The following CTR9 variants were observed in gnomAD, a reference collection of about 807,000 sequenced individuals.
The protein encoded by CTR9 is RNA polymerase-associated protein CTR9 homolog.
CTR9 carries 41 observed loss-of-function variants against 152.1 expected under a neutral mutation model. The ratio of observed to expected loss-of-function variants is 0.27; its 90% CI spans 0.21 to 0.35. CTR9 has a LOEUF of 0.35. CTR9 is among the 10% of genes least tolerant of loss of function. CTR9 has a pLI of 1.00. For missense variants in CTR9, 917 were observed against 1,424.4 expected (o/e 0.64, Z 5.73); for synonymous variants, 476 against 496.2 (o/e 0.96, Z 0.54).
intron 12 of CTR9, among the ~76,000 whole-genome samples, chr11:10,764,956 A>G (rs991777065): frequency 6.6e-6 from 1 of 152,234 alleles, no homozygotes; most frequent in Non-Finnish European, 1.5e-5. Flanking sequence ...TTCAATGACT[A>G]GGTTATCTTC....
At position 10,778,986 on chromosome 11, in the gene CTR9, G is replaced by A. The variant is rs1034042452; in HGVS notation, c.3403G>A (p.Glu1135Lys). The change falls in exon 25 of 25, where the codon GAG becomes AAG. Residue 1135 changes from glutamate to lysine, a missense_variant. Physicochemically the swap from Glu to Lys is moderately conservative, Grantham distance 56. Coordinates refer to ENST00000361367, the MANE Select transcript of CTR9 (RefSeq NM_014633.5). ...SPSAESDHES[E>K]RGSDNEGSGQ... ...AAGTGCCGAATCAGATCACGAATCGGAGAGAGGATCTGATAATGAGGGTTC... is the reference window on the plus strand; with the variant it reads ...AAGTGCCGAATCAGATCACGAATCGAAGAGAGGATCTGATAATGAGGGTTC... 7.4e-6 allele frequency: 12 copies of A among 1,614,072 alleles called. No homozygotes were observed. The highest frequency in any genetic ancestry group is 1.0e-5 in the Non-Finnish European group (12 of 1,180,052).
At position 10,756,803 on chromosome 11, in the gene CTR9, A is replaced by G. The variant is rs766474577; in HGVS notation, c.557A>G (p.Tyr186Cys). 2.5e-6 allele frequency: 4 copies of G among 1,612,318 alleles called. No homozygotes were observed. The highest frequency in any genetic ancestry group is 3.4e-6 in the Non-Finnish European group (4 of 1,179,278). The change falls in exon 5 of 25, where the codon TAT (tyrosine) becomes TGT (cysteine). Residue 186 changes from tyrosine to cysteine, a missense_variant. Tyr to Cys is a radical substitution (Grantham distance 194). Transcript: ENST00000361367. Reference sequence around the variant, plus strand: ...GATTACAGAGGAGCTCTTGCTTACTATAAGAAAGCATTGCGTACTAACCCA... The same window carrying G: ...GATTACAGAGGAGCTCTTGCTTACTGTAAGAAAGCATTGCGTACTAACCCA... ...KKDYRGALAY[Y>C]KKALRTNPGC...
chr11:10,764,583 A>G lies in CTR9; in HGVS notation c.1449A>G (p.Ala483=). ...TGGCGTCATTGGACCGTGCAAAAGC[A>G]GAAGCGGAACACGATGAGCATTACT... ...YFLASLDRAK[A]EAEHDEHYYN... The change falls in exon 12 of 25, where the codon GCA becomes GCG. Residue 483 remains alanine, a synonymous_variant. Coordinates refer to ENST00000361367, the MANE Select transcript of CTR9 (RefSeq NM_014633.5). The G allele has an allele frequency of 2.5e-6, 4 of 1,612,296 alleles. No homozygotes were observed. Among genetic ancestry groups the G allele is most frequent in the Non-Finnish European group, 3.4e-6 (4 of 1,178,540 alleles).
chr11:10,757,015 C>T (rs1862895961), intron 5 of CTR9, among the ~76,000 whole-genome samples, 177 bp downstream of exon 5: 1 of 152,148 alleles, frequency 6.6e-6, no homozygotes, highest in Non-Finnish European at 1.5e-5. Flanking sequence ...AGGCCAGGTG[C>T]AATGGCTCAT....
At chr11:10,763,613 T>TA (rs1300394415) in intron 8 of CTR9, 30 bp from the exon 9 acceptor site, 1 of 1,575,000 alleles carries the variant, frequency 6.3e-7, no homozygotes, top group Admixed American at 1.9e-5. Context: ...CTTTTGTACA[T>TA]ATTGGTCTTT....
chr11:10,758,294 G>T (rs1173404683), intron 5 of CTR9, among the ~76,000 whole-genome samples: 1 of 152,154 alleles, frequency 6.6e-6, no homozygotes, highest in Non-Finnish European at 1.5e-5. Context: ...GGGCTCAAGG[G>T]GAGGGGGTCA....
At chr11:10,768,300 C>T (rs1409177486) in intron 15 of CTR9, 43 bp from the exon 16 acceptor site, 2 of 1,586,412 alleles carry the variant, frequency 1.3e-6, no homozygotes, top group African/African-American at 2.7e-5. Flanking sequence ...TTTTCTGACT[C>T]CAATTAGAAA....
At chr11:10,762,502 G>T (rs1270639858) in intron 7 of CTR9, among the ~76,000 whole-genome samples, 1 of 152,222 alleles carries the variant, frequency 6.6e-6, no homozygotes, top group Non-Finnish European at 1.5e-5. Context: ...AAAAGGGAAA[G>T]ACACACAAAT....
At chr11:10,766,348 A>G (rs1863059464) in intron 12 of CTR9, 54 bp from the exon 13 acceptor site, 17 of 1,350,598 alleles carry the variant, frequency 1.3e-5, no homozygotes, top group Non-Finnish European at 1.7e-5. Context: ...CTTTAAAATT[A>G]TGATCCTTTA....
chr11:10,775,964 A>C lies in CTR9; in HGVS notation c.3095+331A>C, dbSNP rs565208375. Among the ~76,000 whole-genome samples, 32 of 152,318 alleles carry C rather than the reference A, an allele frequency of 2.1e-4. No homozygotes were observed. The East Asian group carries it at 2.7e-3, about 13-fold the overall frequency. On this transcript the variant is annotated intron_variant, in intron 24 of 24. Coordinates refer to ENST00000361367, the MANE Select transcript of CTR9 (RefSeq NM_014633.5). ...TGTTAGCTGAAATTTCCTAGATGACATCCTTCTAAATGAAATGTATCATTT... is the reference window on the plus strand; with the variant it reads ...TGTTAGCTGAAATTTCCTAGATGACCTCCTTCTAAATGAAATGTATCATTT...
chr11:10,769,939 G>C (rs1863116766), intron 16 of CTR9, among the ~76,000 whole-genome samples: 1 of 152,116 alleles, frequency 6.6e-6, no homozygotes, highest in African/African-American at 2.4e-5. Context: ...TTTCCAGTCT[G>C]TTTACCCTTT....
At chr11:10,758,143 G>T (rs1046803228) in intron 5 of CTR9, among the ~76,000 whole-genome samples, 3 of 152,200 alleles carry the variant, frequency 2.0e-5, no homozygotes, top group Admixed American at 2.0e-4. Context: ...TAATCACGTA[G>T]GGCATCACAG....
intron 16 of CTR9, among the ~76,000 whole-genome samples, chr11:10,769,459 T>C (rs2135377206): frequency 6.6e-6 from 1 of 152,260 alleles, no homozygotes. Context: ...TTTACCTTTT[T>C]CTAAAATGGG....
intron 4 of CTR9, 55 bp from the exon 5 acceptor site, chr11:10,756,694 A>G (rs1564965210): frequency 1.6e-6 from 2 of 1,258,218 alleles, no homozygotes; most frequent in Non-Finnish European, 2.3e-6. Flanking sequence ...TGTAAAACAT[A>G]ATAGACTTGT....
At chr11:10,769,469 G>A (rs1418006513) in intron 16 of CTR9, among the ~76,000 whole-genome samples, 2 of 152,132 alleles carry the variant, frequency 1.3e-5, no homozygotes, top group East Asian at 1.9e-4. Flanking sequence ...TCTAAAATGG[G>A]TGGGTTATTA....
intron 23 of CTR9, 32 bp downstream of exon 23, chr11:10,775,335 CTAG>C: frequency 6.4e-7 from 1 of 1,571,840 alleles, no homozygotes; most frequent in South Asian, 1.1e-5. Flanking sequence ...TTTCTGTCCC[CTAG>C]TAGATGTGAA....
In CTR9 at chr11:10,778,803, C is replaced by G; in HGVS notation, c.3220C>G (p.Arg1074Gly). 6.2e-7 allele frequency: 1 copy of G among 1,614,180 alleles called. No homozygotes were observed. The highest frequency in any genetic ancestry group is 8.5e-7 in the Non-Finnish European group (1 of 1,180,040). The stretch of plus-strand genomic sequence containing the variant: ...GTCTGGCAGCGAGGCCGGCAGTCCC[C>G]GGAGGCCACGAAGACAGCGGTCAGA... Reference protein sequence around the residue: ...NKSGSEAGSPRRPRRQRSDQD... With the variant: ...NKSGSEAGSPGRPRRQRSDQD... The change falls in exon 25 of 25, where the codon CGG (arginine) becomes GGG (glycine). Residue 1074 changes from arginine to glycine, a missense_variant. Physicochemically the swap from Arg to Gly is moderately radical, Grantham distance 125. This residue lies in a region of CTR9 where 384 missense variants were observed against 398.4 expected (regional missense o/e 0.96). Coordinates refer to ENST00000361367, the MANE Select transcript of CTR9 (RefSeq NM_014633.5).
At chr11:10,764,231 T>C in intron 10 of CTR9, 30 bp downstream of exon 10, 2 of 1,613,280 alleles carry the variant, frequency 1.2e-6, no homozygotes, top group Non-Finnish European at 1.7e-6. Context: ...TAATCTCTCA[T>C]ATGATGTGTT....
chr11:10,768,303 A>G (rs770783767), intron 15 of CTR9, 40 bp from the exon 16 acceptor site: 20 of 1,588,768 alleles, frequency 1.3e-5, no homozygotes, highest in South Asian at 2.3e-5. Context: ...TCTGACTCCA[A>G]TTAGAAAATT....
Sources: allele counts gnomAD v4.1 joint callset (sites outside exome capture counted in the v4.1 genomes callset), GRCh38; gene constraint gnomAD v4.1.1; regional missense constraint gnomAD v4.1.1; transcripts MANE v1.5; gene names NCBI Gene and HGNC (gene_info 2026-07-23, HGNC 2026-07-21).